ELP4: variants seen among roughly 807,000 people sequenced by gnomAD.
ELP4 encodes the protein elongator complex protein 4.
A neutral mutation model predicts 48.9 loss-of-function variants in ELP4; 51 were observed. The observed-to-expected ratio is 1.04, with a 90% CI of 0.83 to 1.32. The LOEUF (loss-of-function observed/expected upper bound fraction) is 1.32. Among genes scored for constraint, ELP4 ranks in the 40% most tolerant of loss-of-function variants. The pLI is 0.00. For synonymous variants in ELP4, 210 were observed against 189.2 expected, an observed-to-expected ratio of 1.11 and a Z score of -0.90; for missense variants, 519 against 514.6, an observed-to-expected ratio of 1.01 and a Z score of -0.08.
intron 9 of ELP4, among the ~76,000 whole-genome samples, chr11:31,731,232 C>T (rs973005068): frequency 6.6e-6 from 1 of 152,064 alleles, no homozygotes; most frequent in Non-Finnish European, 1.5e-5. Context: ...TTTCCAGAAA[C>T]AAACCCTTAA....
At chr11:31,726,668 A>G (rs1489562039) in intron 9 of ELP4, among the ~76,000 whole-genome samples, 3 of 152,162 alleles carry the variant, frequency 2.0e-5, no homozygotes, top group South Asian at 2.1e-4. Flanking sequence ...GAAAAAAAAA[A>G]GGGAATCCTA....
chr11:31,541,804 G>A (rs1956594889), intron 3 of ELP4, among the ~76,000 whole-genome samples: 1 of 152,112 alleles, frequency 6.6e-6, no homozygotes, highest in African/African-American at 2.4e-5. Context: ...TAGATTATGT[G>A]AAGGAGTTTG....
intron 9 of ELP4, among the ~76,000 whole-genome samples, chr11:31,760,937 C>A (rs2134253658): frequency 6.6e-6 from 1 of 152,266 alleles, no homozygotes; most frequent in South Asian, 2.1e-4. Flanking sequence ...AACTATACAT[C>A]CCCAAGAGTA....
chr11:31,535,327 C>T (rs564909748), intron 2 of ELP4, among the ~76,000 whole-genome samples: 185 of 152,002 alleles, frequency 1.2e-3, no homozygotes, highest in African/African-American at 4.4e-3. Context: ...ATAAAATGCA[C>T]CCATTTGTTT....
intron 7 of ELP4, among the ~76,000 whole-genome samples, chr11:31,644,768 T>C (rs1247164738): frequency 6.6e-6 from 1 of 151,774 alleles, no homozygotes; most frequent in Non-Finnish European, 1.5e-5. Flanking sequence ...CTTATGAAGC[T>C]TGGAGGTGCA....
intron 9 of ELP4, among the ~76,000 whole-genome samples, chr11:31,754,846 TGGGTG>T (rs1947799282): frequency 6.6e-6 from 1 of 152,146 alleles, no homozygotes; most frequent in South Asian, 2.1e-4. Flanking sequence ...TACTTCAGCC[TGGGTG>T]ACAGAGCAAG....
chr11:31,574,783 G>A (rs189513797), intron 3 of ELP4, among the ~76,000 whole-genome samples: 28 of 152,232 alleles, frequency 1.8e-4, no homozygotes, highest in Admixed American at 3.9e-4. Flanking sequence ...CCCCATGTAC[G>A]TCACCATCAT....
At chr11:31,777,263 C>T (rs1443023468) in intron 9 of ELP4, among the ~76,000 whole-genome samples, 1 of 152,026 alleles carries the variant, frequency 6.6e-6, no homozygotes, top group East Asian at 1.9e-4. Context: ...TGTCTCCTCC[C>T]CTCCATCCTC....
At chr11:31,672,859 T>C (rs933652162) in intron 9 of ELP4, among the ~76,000 whole-genome samples, 15 of 152,126 alleles carry the variant, frequency 9.9e-5, no homozygotes, top group African/African-American at 3.1e-4. Context: ...AAAACAGTTA[T>C]CACATGCACA....
chr11:31,647,963 C>A, intron 8 of ELP4, 114 bp downstream of exon 8: 1 of 631,952 alleles, frequency 1.6e-6, no homozygotes. Flanking sequence ...TTATAATACA[C>A]CTGTTAAATA....
At chr11:31,657,094 C>A (rs1281919869) in intron 9 of ELP4, among the ~76,000 whole-genome samples, 1 of 151,930 alleles carries the variant, frequency 6.6e-6, no homozygotes, top group Non-Finnish European at 1.5e-5. Context: ...GTATATCCTC[C>A]AAGGTGCCTG....
chr11:31,735,414 C>T (rs953033033), intron 9 of ELP4, among the ~76,000 whole-genome samples: 5 of 152,172 alleles, frequency 3.3e-5, no homozygotes, highest in Admixed American at 6.5e-5. Context: ...AAAGCTGGCA[C>T]AAGACAGGGA....
chr11:31,748,455 G>A (rs1208197332), intron 9 of ELP4, among the ~76,000 whole-genome samples: 1 of 151,898 alleles, frequency 6.6e-6, no homozygotes, highest in East Asian at 1.9e-4. Context: ...ATGTTGACCA[G>A]GCTGGTCTTG....
At chr11:31,781,192 C>G (rs1948365370) in intron 9 of ELP4, among the ~76,000 whole-genome samples, 1 of 152,124 alleles carries the variant, frequency 6.6e-6, no homozygotes, top group Non-Finnish European at 1.5e-5. Context: ...CTTGATTTAC[C>G]AAACAGCCTA....
intron 3 of ELP4, among the ~76,000 whole-genome samples, chr11:31,568,944 G>C (rs549232141): frequency 3.3e-5 from 5 of 152,078 alleles, no homozygotes; most frequent in African/African-American, 1.2e-4. Flanking sequence ...AATTAGCCAG[G>C]TGTGGTGGCA....
Position 31,632,223 on chromosome 11 carries a change from CAG to C in ELP4, c.749_750del (p.Arg250LysfsTer61), listed in dbSNP as rs774478063. On this transcript the variant is annotated frameshift_variant, in exon 7 of 10. Coordinates refer to ENST00000640961, the MANE Select transcript of ELP4 (RefSeq NM_019040.5). LOFTEE classifies it high-confidence loss of function. ...TTTTCCCACTTTCTTTTAGAAAAAA[CAG>C]AGAAACATTTTAAGAATAGGAATTC... ...GFDGSNPQKK[Q>X]RNILRIGIQN... 5.0e-6 allele frequency: 8 copies of C among 1,595,940 alleles called. No homozygotes were observed. Among genetic ancestry groups the C allele is most frequent in the Admixed American group, 3.6e-5 (2 of 55,212 alleles).
At chr11:31,520,732 A>G (rs541124910) in intron 2 of ELP4, among the ~76,000 whole-genome samples, 1 of 152,090 alleles carries the variant, frequency 6.6e-6, no homozygotes, top group Non-Finnish European at 1.5e-5. Flanking sequence ...AAATTTACGT[A>G]GTTTTTCACG....
At chr11:31,516,405 A>T (rs942776801) in intron 1 of ELP4, among the ~76,000 whole-genome samples, 1 of 152,254 alleles carries the variant, frequency 6.6e-6, no homozygotes, top group Non-Finnish European at 1.5e-5. Flanking sequence ...AGGAAGTGTG[A>T]TATAAGATGT....
At chr11:31,637,343 C>T (rs1201916187) in intron 7 of ELP4, 1 of 151,738 alleles carries the variant, frequency 6.6e-6, no homozygotes, top group Non-Finnish European at 1.5e-5. Context: ...GTTCAAAACT[C>T]TGTTGTTGAA....
Sources: allele counts gnomAD v4.1 joint callset (sites outside exome capture counted in the v4.1 genomes callset), GRCh38; gene constraint gnomAD v4.1.1; transcripts MANE v1.5; gene names NCBI Gene and HGNC (gene_info 2026-07-23, HGNC 2026-07-21).